Variants in LRRC7 observed in about 807,000 individuals in gnomAD.
LRRC7 encodes the protein leucine rich repeat containing 7, also known as leucine-rich repeat-containing protein 7.
A neutral mutation model predicts 175.7 loss-of-function variants in LRRC7; 23 were observed. The observed-to-expected ratio is 0.13, with a 90% CI of 0.09 to 0.19. The LOEUF (loss-of-function observed/expected upper bound fraction) is 0.19, where lower values mean the gene tolerates loss of function less well. Among genes scored for constraint, LRRC7 ranks in the 10% least tolerant of loss-of-function variants. The pLI is 1.00. For missense variants in LRRC7, 1,354 were observed against 1,904.7 expected (o/e 0.71, Z 5.38); for synonymous variants, 685 against 680.9 (o/e 1.01, Z -0.09).
chr1:69,575,856 A>G (rs1202509631), intron 1 of LRRC7, among the ~76,000 whole-genome samples: 3 of 152,210 alleles, frequency 2.0e-5, no homozygotes, highest in Non-Finnish European at 4.4e-5. Flanking sequence ...TACTTCAAAT[A>G]TGAATTAGGA....
intron 7 of LRRC7, among the ~76,000 whole-genome samples, chr1:69,866,924 G>T (rs1212633601): frequency 6.6e-6 from 1 of 151,914 alleles, no homozygotes; most frequent in African/African-American, 2.4e-5. Context: ...AATCAACTAA[G>T]CCTTGGAAAG....
At chr1:69,590,979 G>A (rs1265758240) in intron 1 of LRRC7, among the ~76,000 whole-genome samples, 3 of 152,000 alleles carry the variant, frequency 2.0e-5, no homozygotes, top group Non-Finnish European at 4.4e-5. Context: ...TACTATTATT[G>A]AGAAGCAATT....
At chr1:69,964,062 A>G (rs1274361108) in intron 8 of LRRC7, among the ~76,000 whole-genome samples, 1 of 152,170 alleles carries the variant, frequency 6.6e-6, no homozygotes, top group Admixed American at 6.5e-5. Context: ...TTTTCCCCAG[A>G]ATACTCCTTT....
chr1:70,082,872 G>A (rs1663327707), intron 24 of LRRC7, among the ~76,000 whole-genome samples: 1 of 131,824 alleles, frequency 7.6e-6, no homozygotes, highest in Admixed American at 9.0e-5. Flanking sequence ...CACAGTCTCC[G>A]CCTCCTGGAT....
At chr1:69,993,171 A>G (rs561983397) in intron 10 of LRRC7, among the ~76,000 whole-genome samples, 26 of 152,304 alleles carry the variant, frequency 1.7e-4, no homozygotes, top group African/African-American at 6.0e-4. Flanking sequence ...CCTTTTGAAC[A>G]TAGATGGATA....
chr1:69,836,269 A>G (rs1174671169), intron 6 of LRRC7, among the ~76,000 whole-genome samples: 1 of 152,012 alleles, frequency 6.6e-6, no homozygotes, highest in African/African-American at 2.4e-5. Context: ...TATGAACAGC[A>G]TATACTTGAG....
chr1:70,003,363 C>T, intron 11 of LRRC7, among the ~76,000 whole-genome samples: 1 of 152,166 alleles, frequency 6.6e-6, no homozygotes, highest in Non-Finnish European at 1.5e-5. Flanking sequence ...ATCTTTTAAA[C>T]TTACAACATC....
At position 70,031,822 on chromosome 1, in the gene LRRC7, C is replaced by T. The variant is rs977041441; in HGVS notation, c.1995+3451C>T. On this transcript the variant is annotated intron_variant, in intron 18 of 26. Coordinates refer to ENST00000651989, the MANE Select transcript of LRRC7 (RefSeq NM_001370785.2). ...TTTTTTTTTCCTTTTTCTTTTGAGA[C>T]GGAGTCTCGCTCTGTTGCCAGGCTG... 1.0e-4 allele frequency among the ~76,000 whole-genome samples: 15 copies of T among 149,932 alleles called. 1 individual carries two copies. Among genetic ancestry groups the T allele is most frequent in the South Asian group, 4.2e-4 (2 of 4,734 alleles).
At chr1:69,732,423 C>T (rs917266186) in intron 2 of LRRC7, among the ~76,000 whole-genome samples, 8 of 151,956 alleles carry the variant, frequency 5.3e-5, no homozygotes, top group East Asian at 3.9e-4. Flanking sequence ...TCCAAAAGCT[C>T]TGGTCAGGTT....
intron 1 of LRRC7, among the ~76,000 whole-genome samples, chr1:69,659,150 G>A (rs1314889530): frequency 1.3e-5 from 2 of 151,954 alleles, no homozygotes; most frequent in African/African-American, 4.8e-5. Flanking sequence ...TGTCCTGCTG[G>A]TACTTTTCAT....
intron 23 of LRRC7, among the ~76,000 whole-genome samples, chr1:70,067,014 T>G (rs1662028459): frequency 6.6e-6 from 1 of 152,094 alleles, no homozygotes; most frequent in African/African-American, 2.4e-5. Context: ...TAATTTCAAT[T>G]TCCATAATGA....
At chr1:69,845,121 T>C (rs930438955) in intron 7 of LRRC7, among the ~76,000 whole-genome samples, 2 of 151,906 alleles carry the variant, frequency 1.3e-5, no homozygotes, top group Non-Finnish European at 2.9e-5. Flanking sequence ...ATTGGTGGTG[T>C]GTGCCTGTAT....
chr1:69,901,070 C>G (rs1410954367), intron 7 of LRRC7, among the ~76,000 whole-genome samples: 1 of 152,096 alleles, frequency 6.6e-6, no homozygotes, highest in Non-Finnish European at 1.5e-5. Context: ...AATTGTATTT[C>G]TGAGCCCAGA....
chr1:69,589,207 C>T (rs935430220), intron 1 of LRRC7, among the ~76,000 whole-genome samples: 3 of 148,272 alleles, frequency 2.0e-5, no homozygotes, highest in Admixed American at 6.8e-5. Flanking sequence ...GTACTTATTC[C>T]CTGTGCCATC....
At chr1:70,013,552 C>A (rs1656710005) in intron 13 of LRRC7, among the ~76,000 whole-genome samples, 1 of 151,868 alleles carries the variant, frequency 6.6e-6, no homozygotes, top group Admixed American at 6.6e-5. Context: ...AGAATACTGA[C>A]AACGAAATGG....
rs1038213093 is a variant in LRRC7 at position 70,136,041 on chromosome 1, A to C, written c.*14154A>C. Among the ~76,000 whole-genome samples the C allele has an allele frequency of 6.4e-5, 9 of 140,012 alleles. No homozygotes were observed. Among genetic ancestry groups the C allele is most frequent in the South Asian group, 2.5e-4 (1 of 4,072 alleles). The allele number at this position is 140,012 out of a possible 152,430, so 91.9% of individuals were successfully genotyped here. Reference sequence around the variant, plus strand: ...GAGAAATTCAAACTTGGGAATTAATATCTCTCTCTCTCTGTGTGTGTCTGT... The same window carrying C: ...GAGAAATTCAAACTTGGGAATTAATCTCTCTCTCTCTCTGTGTGTGTCTGT... On this transcript the variant is annotated 3_prime_UTR_variant, in exon 27 of 27. Transcript: ENST00000651989.
At chr1:70,064,116 A>G (rs1338028214) in intron 23 of LRRC7, among the ~76,000 whole-genome samples, 1 of 151,986 alleles carries the variant, frequency 6.6e-6, no homozygotes, top group Non-Finnish European at 1.5e-5. Flanking sequence ...CCAGAATGAA[A>G]TGTCACCAAA....
rs564260858 is a variant in LRRC7 at position 69,677,391 on chromosome 1, G to A, written c.3-990G>A. ...CTGGTGTAATAAACATATGAGTGCA[G>A]GTGTTTTTATGAAATAGTGTCTTCT... On this transcript the variant is annotated intron_variant, in intron 1 of 26. Coordinates refer to ENST00000651989, the MANE Select transcript of LRRC7 (RefSeq NM_001370785.2). 2.0e-5 allele frequency among the ~76,000 whole-genome samples: 3 copies of A among 151,680 alleles called. No homozygotes were observed. In the East Asian group the frequency reaches 5.8e-4, roughly 29 times the overall value.
chr1:69,774,598 C>CT (rs1672611562), intron 3 of LRRC7, among the ~76,000 whole-genome samples: 1 of 152,084 alleles, frequency 6.6e-6, no homozygotes, highest in African/African-American at 2.4e-5. Flanking sequence ...CTACAGTAGC[C>CT]TTTTTGCTAT....
Sources: gnomAD v4.1 joint callset for allele counts (sites outside exome capture counted in the v4.1 genomes callset) on GRCh38, gnomAD v4.1.1 for gene constraint, MANE v1.5 for transcripts, NCBI Gene and HGNC (gene_info 2026-07-23, HGNC 2026-07-21) for gene names.